The following TTLL11 variants were observed in gnomAD, a reference collection of about 807,000 sequenced individuals.
The protein encoded by TTLL11 is tubulin tyrosine ligase like 11.
In TTLL11, 42 loss-of-function variants were observed where a neutral mutation model predicts 51.7. That is an observed-to-expected ratio of 0.81 (90% CI 0.64 to 1.05). TTLL11 has a LOEUF of 1.05. Ranked by LOEUF, TTLL11 falls within the 50% of genes least tolerant of loss-of-function variation. The pLI, the probability that TTLL11 is intolerant of heterozygous loss-of-function variation, is 0.00. For missense variants in TTLL11, 799 were observed against 940.4 expected (o/e 0.85, Z 1.97); for synonymous variants, 381 against 383.5 (o/e 0.99, Z 0.08).
In TTLL11 at chr9:122,041,916, A is replaced by T. The variant is rs77459321; in HGVS notation, c.463-2548T>A. 5.9e-3 allele frequency among the ~76,000 whole-genome samples: 904 copies of T among 152,168 alleles called. 11 individuals carry two copies. The highest frequency in any genetic ancestry group is 0.021 in the African/African-American group (858 of 41,526). On this transcript the variant is annotated intron_variant, in intron 1 of 8. Transcript: ENST00000321582. ...AATAACTTTTTTTCAAAATAAAAAAATCCATCCTAAAATTCATATGGAATT... is the reference window on the plus strand; with the variant it reads ...AATAACTTTTTTTCAAAATAAAAAATTCCATCCTAAAATTCATATGGAATT...
intron 6 of TTLL11, among the ~76,000 whole-genome samples, chr9:121,956,282 TAGA>T (rs1429054712): frequency 7.9e-5 from 12 of 152,352 alleles, no homozygotes; most frequent in Admixed American, 5.9e-4. Flanking sequence ...TCTCCTTCGT[TAGA>T]AGAATTGTTG....
chr9:121,905,356 T>G (rs2131486059), intron 6 of TTLL11, among the ~76,000 whole-genome samples: 1 of 147,622 alleles, frequency 6.8e-6, no homozygotes, highest in Non-Finnish European at 1.5e-5. Context: ...ACATTTAACT[T>G]TTTTTTTTTT....
intron 6 of TTLL11, among the ~76,000 whole-genome samples, chr9:121,929,502 C>T (rs1840884048): frequency 6.6e-6 from 1 of 152,016 alleles, no homozygotes; most frequent in African/African-American, 2.4e-5. Flanking sequence ...GCTTCTCTCT[C>T]AGTCAAGGAA....
chr9:121,981,111 ATTTTGGCCATTATTTCTTCAAAAG>A (rs1842817067), intron 4 of TTLL11, among the ~76,000 whole-genome samples: 1 of 148,880 alleles, frequency 6.7e-6, no homozygotes, highest in East Asian at 1.9e-4. Context: ...AATTTGGAAA[ATTTTGGCCATTATTTCTTCAAAAG>A]TTTTTTTTTT....
intron 6 of TTLL11, among the ~76,000 whole-genome samples, chr9:121,924,363 T>G (rs1053766655): frequency 6.6e-6 from 1 of 152,218 alleles, no homozygotes; most frequent in Non-Finnish European, 1.5e-5. Flanking sequence ...CAGTGATCCC[T>G]TAACAGCAGG....
rs1487337000 is a variant in TTLL11 at position 121,820,539 on chromosome 9, G to A, written c.*2048C>T. On this transcript the variant is annotated 3_prime_UTR_variant, in exon 9 of 9. Transcript: ENST00000321582. ...TGACGGACCCCAGGCAGCCCCGAGC[G>A]GGGTAGCTGCAGGGTCTTTACTTGG... Among the ~76,000 whole-genome samples, 1 of 152,116 alleles carries A rather than the reference G, an allele frequency of 6.6e-6. No individual in the cohort carries two copies. Among genetic ancestry groups the A allele is most frequent in the Admixed American group, 6.5e-5 (1 of 15,284 alleles).
At chr9:121,860,215 G>T in intron 8 of TTLL11, 122 bp downstream of exon 8, 1 of 716,406 alleles carries the variant, frequency 1.4e-6, no homozygotes, top group Non-Finnish European at 2.3e-6. Context: ...CTGGGATTAT[G>T]TCTAGATCTG....
chr9:121,826,910 G>A (rs1023244462), intron 8 of TTLL11, among the ~76,000 whole-genome samples: 61 of 152,058 alleles, frequency 4.0e-4, no homozygotes, highest in Non-Finnish European at 2.6e-4. Flanking sequence ...AGGCAGGGTG[G>A]ATGGCCCAGG....
intron 3 of TTLL11, among the ~76,000 whole-genome samples, chr9:122,013,531 G>A (rs1205198656): frequency 6.6e-6 from 1 of 152,220 alleles, no homozygotes; most frequent in Non-Finnish European, 1.5e-5. Context: ...TGATAGATAT[G>A]AATCTTTCTG....
intron 7 of TTLL11, among the ~76,000 whole-genome samples, chr9:121,866,548 T>A (rs1182350979): frequency 6.6e-6 from 1 of 150,982 alleles, no homozygotes; most frequent in East Asian, 1.9e-4. Flanking sequence ...TAGTCCCAGC[T>A]ACTCAGGAGG....
At chr9:121,896,828 G>T (rs969667566) in intron 6 of TTLL11, among the ~76,000 whole-genome samples, 2 of 152,144 alleles carry the variant, frequency 1.3e-5, no homozygotes, top group Non-Finnish European at 2.9e-5. Context: ...TCTGTTTGTG[G>T]GTGTCATGGC....
At chr9:122,063,130 T>G (rs544051738) in intron 1 of TTLL11, among the ~76,000 whole-genome samples, 2 of 152,338 alleles carry the variant, frequency 1.3e-5, no homozygotes, top group African/African-American at 4.8e-5. Flanking sequence ...CCGAATTTTT[T>G]TTACCTGAAT....
chr9:121,932,254 T>C (rs1841015603), intron 6 of TTLL11, among the ~76,000 whole-genome samples: 1 of 152,232 alleles, frequency 6.6e-6, no homozygotes, highest in Non-Finnish European at 1.5e-5. Context: ...CATACATGTA[T>C]ACTATACATA....
chr9:121,898,323 C>A (rs1839622754), intron 6 of TTLL11, among the ~76,000 whole-genome samples: 1 of 152,234 alleles, frequency 6.6e-6, no homozygotes, highest in Admixed American at 6.5e-5. Flanking sequence ...GGCTGGGGAG[C>A]CCTGTTCTCA....
rs1836417337 is a variant in TTLL11 at position 121,816,622 on chromosome 9, T to G, written c.*5965A>C. On this transcript the variant is annotated 3_prime_UTR_variant, in exon 9 of 9. Transcript: ENST00000321582. ...TGCATGTGTGCATTGTGTACGTGTG[T>G]GCATGTGTGGTGTGTGCGCGCACAT... is the stretch of plus-strand genomic sequence containing the variant. The G allele has an allele frequency of 6.6e-6, 1 of 151,198 alleles. No homozygotes were observed. The highest frequency in any genetic ancestry group is 2.0e-4 in the East Asian group (1 of 5,122). 9.4% of individuals were successfully genotyped at this position (151,198 alleles called of 1,614,324 possible).
Position 121,819,881 on chromosome 9 carries a change from G to T in TTLL11, c.*2706C>A, listed in dbSNP as rs963287470. On this transcript the variant is annotated 3_prime_UTR_variant, in exon 9 of 9. Transcript: ENST00000321582. ...TCTTATTAGGAATGGAGGAGGCGGG[G>T]TGATTCAGTTATCACTCATTCTGAC... Among the ~76,000 whole-genome samples, 1 of 152,240 alleles carries T rather than the reference G, an allele frequency of 6.6e-6. No homozygotes were observed. The highest frequency in any genetic ancestry group is 2.4e-5 in the African/African-American group (1 of 41,462).
chr9:122,069,754 C>T (rs1845681740), intron 1 of TTLL11, among the ~76,000 whole-genome samples: 1 of 151,988 alleles, frequency 6.6e-6, no homozygotes, highest in African/African-American at 2.4e-5. Flanking sequence ...TGGTCACTCT[C>T]CCAGGTGAGG....
At chr9:121,901,119 C>G (rs771340529) in intron 6 of TTLL11, among the ~76,000 whole-genome samples, 13 of 152,196 alleles carry the variant, frequency 8.5e-5, no homozygotes, top group Admixed American at 3.9e-4. Flanking sequence ...GGATTGTGCT[C>G]TTGATTTGAC....
intron 1 of TTLL11, among the ~76,000 whole-genome samples, chr9:122,069,672 C>A (rs1845679113): frequency 6.6e-6 from 1 of 151,966 alleles, no homozygotes; most frequent in Non-Finnish European, 1.5e-5. Flanking sequence ...CAGAGTGAGA[C>A]TCCGTCTCAA....
Sources: gnomAD v4.1 joint callset for allele counts (sites outside exome capture counted in the v4.1 genomes callset) on GRCh38, gnomAD v4.1.1 for gene constraint, MANE v1.5 for transcripts, NCBI Gene and HGNC (gene_info 2026-07-23, HGNC 2026-07-21) for gene names.